The following SGCZ variants were observed in gnomAD, a reference collection of about 807,000 sequenced individuals.
SGCZ encodes the protein zeta-sarcoglycan.
Under a neutral mutation model 41.3 loss-of-function variants are expected in SGCZ, and 40 were observed. That is an observed-to-expected ratio of 0.97 (90% CI 0.75 to 1.26). The LOEUF is 1.26. Ranked by LOEUF, SGCZ falls within the 50% of genes most tolerant of loss-of-function variation. The probability of loss-of-function intolerance (pLI) is 0.00; values close to 1 mark genes in which losing one functional copy is unlikely to be tolerated. For missense variants in SGCZ, 552 were observed against 369.8 expected, an observed-to-expected ratio of 1.49 and a Z score of -4.04; for synonymous variants, 206 against 137.5, an observed-to-expected ratio of 1.50 and a Z score of -3.49.
At chr8:14,153,896 C>G (rs1295489517) in intron 5 of SGCZ, among the ~76,000 whole-genome samples, 2 of 139,248 alleles carry the variant, frequency 1.4e-5, no homozygotes, top group African/African-American at 5.9e-5. Flanking sequence ...GTCGGTCAGT[C>G]TGTCTGTCTC....
At chr8:14,247,656 G>A (rs183942508) in intron 3 of SGCZ, among the ~76,000 whole-genome samples, 1 of 152,286 alleles carries the variant, frequency 6.6e-6, no homozygotes, top group Admixed American at 6.5e-5. Context: ...CAGCAACTAG[G>A]AGATATCCTC....
At chr8:15,159,086 C>A (rs1799420270) in intron 1 of SGCZ, among the ~76,000 whole-genome samples, 1 of 152,110 alleles carries the variant, frequency 6.6e-6, no homozygotes, top group African/African-American at 2.4e-5. Flanking sequence ...GACCAGCCTT[C>A]TGAGAGGGGA....
chr8:14,501,757 T>C (rs1802162429), intron 2 of SGCZ, among the ~76,000 whole-genome samples: 1 of 152,044 alleles, frequency 6.6e-6, no homozygotes, highest in African/African-American at 2.4e-5. Context: ...TATAGCAGAC[T>C]ATTCCCTCCA....
intron 1 of SGCZ, among the ~76,000 whole-genome samples, chr8:14,974,560 G>A (rs1169484482): frequency 6.6e-6 from 1 of 152,086 alleles, no homozygotes; most frequent in African/African-American, 2.4e-5. Flanking sequence ...CCAAAGCCCA[G>A]ACCACAACCC....
intron 1 of SGCZ, among the ~76,000 whole-genome samples, chr8:14,963,508 G>A (rs1478631432): frequency 2.0e-5 from 3 of 151,740 alleles, no homozygotes; most frequent in Non-Finnish European, 4.4e-5. Flanking sequence ...TGGCTACATT[G>A]TTCTTTCTTT....
chr8:15,109,738 C>T (rs1367016871), intron 1 of SGCZ, among the ~76,000 whole-genome samples: 1 of 152,102 alleles, frequency 6.6e-6, no homozygotes, highest in Non-Finnish European at 1.5e-5. Flanking sequence ...ATATGTGAGA[C>T]ACTAAGGCTA....
intron 2 of SGCZ, among the ~76,000 whole-genome samples, chr8:14,382,289 C>G (rs1004801941): frequency 2.0e-5 from 3 of 152,088 alleles, no homozygotes; most frequent in African/African-American, 7.2e-5. Context: ...TCTTTACATC[C>G]TAGAGATTTC....
chr8:14,141,009 A>G (rs1246811458), intron 5 of SGCZ, among the ~76,000 whole-genome samples: 1 of 152,178 alleles, frequency 6.6e-6, no homozygotes, highest in Non-Finnish European at 1.5e-5. Context: ...GCCCTCAGAA[A>G]TAATACCGCA....
chr8:14,441,818 G>C (rs557876986), intron 2 of SGCZ, among the ~76,000 whole-genome samples: 5 of 152,112 alleles, frequency 3.3e-5, no homozygotes, highest in Admixed American at 1.3e-4. Flanking sequence ...AGTTTCTATA[G>C]CTTTTTTTAA....
chr8:15,199,351 A>T (rs1254559247), intron 1 of SGCZ, among the ~76,000 whole-genome samples: 1 of 152,186 alleles, frequency 6.6e-6, no homozygotes, highest in African/African-American at 2.4e-5. Context: ...CAATTCCCTC[A>T]ACCATTAAAG....
chr8:14,309,606 G>A (rs180962976), intron 3 of SGCZ: 373 of 1,610,824 alleles, frequency 2.3e-4, no homozygotes, highest in Non-Finnish European at 2.9e-4. Context: ...GATAGTGACT[G>A]GTTATCAGTC....
chr8:14,247,553 A>G (rs1353933385), intron 3 of SGCZ, among the ~76,000 whole-genome samples: 2 of 152,232 alleles, frequency 1.3e-5, no homozygotes, highest in East Asian at 1.9e-4. Context: ...TACTATCTCT[A>G]TCTAAAGTAA....
At chr8:14,988,194 A>C (rs1478992326) in intron 1 of SGCZ, among the ~76,000 whole-genome samples, 1 of 151,958 alleles carries the variant, frequency 6.6e-6, no homozygotes. Context: ...AAACAGTATA[A>C]TATTCATTTA....
At chr8:14,309,006 A>T in intron 3 of SGCZ, 1 of 1,036,262 alleles carries the variant, frequency 9.7e-7, no homozygotes, top group Non-Finnish European at 1.4e-6. Flanking sequence ...ACCCGGCCTC[A>T]GCCTCACTTT....
chr8:14,430,592 G>A (rs960192926), intron 2 of SGCZ, among the ~76,000 whole-genome samples: 6 of 152,106 alleles, frequency 3.9e-5, no homozygotes, highest in Non-Finnish European at 8.8e-5. Context: ...AACATAATAC[G>A]GAATGGGGAA....
chr8:14,157,397 C>T lies in SGCZ; in HGVS notation c.547+7183G>A, dbSNP rs1022096523. ...GTGTGTGTGTGTGTGTGTGTGTATGCTCAGCCCATAGAAGCATCTCCCAAC... is the reference window on the plus strand; with the variant it reads ...GTGTGTGTGTGTGTGTGTGTGTATGTTCAGCCCATAGAAGCATCTCCCAAC... On this transcript the variant is annotated intron_variant, in intron 5 of 7. Transcript: ENST00000382080. Among the ~76,000 whole-genome samples the T allele has an allele frequency of 5.9e-4, 85 of 143,754 alleles. 1 individual carries two copies. The highest frequency in any genetic ancestry group is 2.1e-3 in the African/African-American group (81 of 38,262). The allele number at this position is 143,754 out of a possible 152,430, so 94.3% of individuals were successfully genotyped here.
chr8:14,978,236 G>GA (rs1554532040), intron 1 of SGCZ, among the ~76,000 whole-genome samples: 1 of 59,002 alleles, frequency 1.7e-5, no homozygotes, highest in South Asian at 6.3e-4. Context: ...AGGAGGCTGA[G>GA]GGGGGTGGAT....
intron 5 of SGCZ, among the ~76,000 whole-genome samples, chr8:14,117,015 C>G (rs997478610): frequency 3.3e-5 from 5 of 152,012 alleles, no homozygotes; most frequent in Non-Finnish European, 5.9e-5. Flanking sequence ...CAAGCATCTT[C>G]AAAATTATTG....
At chr8:15,115,746 T>C (rs2116938958) in intron 1 of SGCZ, among the ~76,000 whole-genome samples, 1 of 152,348 alleles carries the variant, frequency 6.6e-6, no homozygotes, top group South Asian at 2.1e-4. Context: ...GAATACTTTT[T>C]TGGAAGAAAT....
Sources: gnomAD v4.1 joint callset for allele counts (sites outside exome capture counted in the v4.1 genomes callset) on GRCh38, gnomAD v4.1.1 for gene constraint, MANE v1.5 for transcripts, NCBI Gene and HGNC (gene_info 2026-07-23, HGNC 2026-07-21) for gene names.